Variants in ZSWIM5 observed in about 807,000 individuals in gnomAD.
The protein encoded by ZSWIM5 is zinc finger SWIM-type containing 5.
Under a neutral mutation model 119.6 loss-of-function variants are expected in ZSWIM5, and 55 were observed. That is an observed-to-expected ratio of 0.46 (90% CI 0.37 to 0.58). ZSWIM5 has a LOEUF of 0.58. Among genes scored for constraint, ZSWIM5 ranks in the 20% least tolerant of loss-of-function variants. ZSWIM5 has a pLI of 0.00. For missense variants in ZSWIM5, 1,193 were observed against 1,512.8 expected (o/e 0.79, Z 3.51); for synonymous variants, 537 against 606.9 (o/e 0.88, Z 1.69).
intron 7 of ZSWIM5, among the ~76,000 whole-genome samples, chr1:45,039,425 G>T (rs1288854610): frequency 1.3e-5 from 2 of 152,154 alleles, no homozygotes. Flanking sequence ...TCGCTCTATC[G>T]CCCAGGCCAG....
Position 45,077,567 on chromosome 1 carries a change from A to C in ZSWIM5, c.952+10314T>G, listed in dbSNP as rs190546382. ...GGACTGAGGCGAAATTAAAATTGCT[A>C]ATGAAGTTTTGGGCACCATTGTCAT... On this transcript the variant is annotated intron_variant, in intron 2 of 13. Coordinates refer to ENST00000359600, the MANE Select transcript of ZSWIM5 (RefSeq NM_020883.2). Among the ~76,000 whole-genome samples, 470 of 152,326 alleles carry C rather than the reference A, an allele frequency of 3.1e-3. 2 individuals carry two copies. Among genetic ancestry groups the C allele is most frequent in the African/African-American group, 0.011 (450 of 41,568 alleles).
In ZSWIM5 at chr1:45,057,642, T is replaced by C. The variant is rs182986976; in HGVS notation, c.1252+967A>G. On this transcript the variant is annotated intron_variant, in intron 4 of 13. Coordinates refer to ENST00000359600, the MANE Select transcript of ZSWIM5 (RefSeq NM_020883.2). The surrounding 1 kb of genome is among the most constrained non-coding windows in gnomAD (Gnocchi z 4.7). ...GATATTTGATTTAAAGTCAGACAGA[T>C]TGGGCTTCCAGTGTTAGAGCCAAAA... 2.0e-4 allele frequency among the ~76,000 whole-genome samples: 31 copies of C among 152,294 alleles called. No homozygotes were observed. The highest frequency in any genetic ancestry group is 1.0e-4 in the Non-Finnish European group (7 of 68,026).
chr1:45,137,458 T>C (rs1570139215), intron 1 of ZSWIM5, among the ~76,000 whole-genome samples: 1 of 151,884 alleles, frequency 6.6e-6, no homozygotes, highest in Non-Finnish European at 1.5e-5. Context: ...ACAACTGCTA[T>C]AGAAAAAAAA....
chr1:45,198,066 T>C (rs1488998570), intron 1 of ZSWIM5, among the ~76,000 whole-genome samples: 1 of 152,246 alleles, frequency 6.6e-6, no homozygotes, highest in Non-Finnish European at 1.5e-5. Flanking sequence ...TTGTTTGTGC[T>C]CTAATCGAGG....
chr1:45,117,626 A>G (rs1408613691), intron 1 of ZSWIM5, among the ~76,000 whole-genome samples: 1 of 152,148 alleles, frequency 6.6e-6, no homozygotes, highest in Non-Finnish European at 1.5e-5. Context: ...GAGCCATATT[A>G]TGCCACTGCA....
intron 1 of ZSWIM5, among the ~76,000 whole-genome samples, chr1:45,142,212 A>G (rs1221206332): frequency 6.6e-6 from 1 of 152,232 alleles, no homozygotes; most frequent in Non-Finnish European, 1.5e-5. Flanking sequence ...CCCTGTCTCA[A>G]AAAAATTAAT....
chr1:45,157,603 G>C (rs1369764373), intron 1 of ZSWIM5, among the ~76,000 whole-genome samples: 1 of 152,126 alleles, frequency 6.6e-6, no homozygotes, highest in Non-Finnish European at 1.5e-5. Flanking sequence ...GTACAACTAG[G>C]ATGTTTCTAG....
chr1:45,172,923 G>C (rs116733763), intron 1 of ZSWIM5, among the ~76,000 whole-genome samples: 1 of 151,924 alleles, frequency 6.6e-6, no homozygotes, highest in Non-Finnish European at 1.5e-5. Flanking sequence ...CAATGCTTTC[G>C]GAAGCCAAGG....
At chr1:45,092,543 C>CG (rs1466702440) in intron 1 of ZSWIM5, among the ~76,000 whole-genome samples, 2 of 94,946 alleles carry the variant, frequency 2.1e-5, no homozygotes, top group South Asian at 5.0e-4. Context: ...GATCCACCCC[C>CG]CCCCCCCCGC....
intron 1 of ZSWIM5, among the ~76,000 whole-genome samples, chr1:45,138,894 CTT>C (rs34851118): frequency 1.6e-4 from 23 of 140,514 alleles, no homozygotes; most frequent in Admixed American, 1.4e-4. Context: ...TTTTCTTTTT[CTT>C]TTTTTTTTTT....
chr1:45,058,164 T>TA (rs948541411), intron 4 of ZSWIM5, among the ~76,000 whole-genome samples: 9 of 152,248 alleles, frequency 5.9e-5, no homozygotes, highest in African/African-American at 1.9e-4. Context: ...TATGATATTT[T>TA]AAAAAAAGTT....
intron 4 of ZSWIM5, among the ~76,000 whole-genome samples, chr1:45,051,591 C>T (rs1645088759): frequency 6.6e-6 from 1 of 152,144 alleles, no homozygotes; most frequent in Non-Finnish European, 1.5e-5. Flanking sequence ...TGTTCCTACC[C>T]TTGAGGAACT....
chr1:45,197,580 G>A (rs1033225621), intron 1 of ZSWIM5, among the ~76,000 whole-genome samples: 3 of 151,804 alleles, frequency 2.0e-5, no homozygotes, highest in South Asian at 2.1e-4. Context: ...TTCTAGTTTC[G>A]GGCTATTATG....
At chr1:45,147,333 A>G (rs895923152) in intron 1 of ZSWIM5, among the ~76,000 whole-genome samples, 10 of 152,186 alleles carry the variant, frequency 6.6e-5, no homozygotes, top group African/African-American at 2.4e-4. Context: ...CTAAACTTCT[A>G]CGTAGATACT....
chr1:45,083,252 T>G (rs1169163097), intron 2 of ZSWIM5, among the ~76,000 whole-genome samples: 1 of 152,166 alleles, frequency 6.6e-6, no homozygotes, highest in Non-Finnish European at 1.5e-5. Flanking sequence ...TGACTGTTCT[T>G]TCTTTATTCT....
intron 1 of ZSWIM5, among the ~76,000 whole-genome samples, chr1:45,137,923 A>ACAT (rs1312564058): frequency 2.6e-5 from 4 of 152,196 alleles, no homozygotes; most frequent in Non-Finnish European, 5.9e-5. Context: ...AGGAACAAGG[A>ACAT]GGCCAGTTAC....
At chr1:45,050,591 AT>A in intron 5 of ZSWIM5, among the ~76,000 whole-genome samples, 1 of 152,164 alleles carries the variant, frequency 6.6e-6, no homozygotes, top group East Asian at 1.9e-4. Context: ...TGGGGCAGGA[AT>A]CCTACCAATA....
chr1:45,129,259 T>C (rs985649725), intron 1 of ZSWIM5, among the ~76,000 whole-genome samples: 1 of 148,524 alleles, frequency 6.7e-6, no homozygotes, highest in Non-Finnish European at 1.5e-5. Context: ...CCTGAGTTCA[T>C]GCCATTCTCC....
chr1:45,044,666 G>A (rs1189912744), intron 5 of ZSWIM5, among the ~76,000 whole-genome samples: 1 of 116,736 alleles, frequency 8.6e-6, no homozygotes, highest in African/African-American at 3.3e-5. Context: ...GGAGCTTGCA[G>A]TGAGCCGAGA....
Sources: gnomAD v4.1 joint callset for allele counts (sites outside exome capture counted in the v4.1 genomes callset) on GRCh38, gnomAD v4.1.1 for gene constraint, Gnocchi (gnomAD v3.1) non-coding constraint, MANE v1.5 for transcripts, NCBI Gene and HGNC (gene_info 2026-07-23, HGNC 2026-07-21) for gene names.